CNTNAP3: variants seen among roughly 807,000 people sequenced by gnomAD.
The protein encoded by CNTNAP3 is contactin associated protein family member 3.
Under a neutral mutation model 92.1 loss-of-function variants are expected in CNTNAP3, and 36 were observed. The observed-to-expected ratio is 0.39, with a 90% CI of 0.30 to 0.52. The LOEUF (loss-of-function observed/expected upper bound fraction) is 0.52. CNTNAP3 is among the 20% of genes least tolerant of loss of function. The pLI is 0.76. For synonymous variants in CNTNAP3, 232 were observed against 422.3 expected (o/e 0.55, Z 5.53); for missense variants, 534 against 1,069.6 (o/e 0.50, Z 6.98).
chr9:39,141,534 T>C (rs1048882141), intron 11 of CNTNAP3, among the ~76,000 whole-genome samples: 21 of 152,324 alleles, frequency 1.4e-4, no homozygotes, highest in African/African-American at 4.8e-4. Flanking sequence ...TATCCCTATA[T>C]AATGTAAATT....
intron 14 of CNTNAP3, among the ~76,000 whole-genome samples, chr9:39,115,159 A>G (rs116970707): frequency 0.021 from 3,176 of 151,580 alleles, 75 homozygotes; most frequent in East Asian, 0.11. Context: ...ACTTACGGAA[A>G]AATGGCGATG....
At chr9:39,087,932 C>T (rs1298233032) in intron 19 of CNTNAP3, among the ~76,000 whole-genome samples, 1 of 152,186 alleles carries the variant, frequency 6.6e-6, no homozygotes, top group African/African-American at 2.4e-5. Flanking sequence ...TTACACTTTT[C>T]TTCTATAAAA....
intron 17 of CNTNAP3, 57 bp from the exon 18 acceptor site, chr9:39,100,207 T>C: frequency 7.8e-7 from 1 of 1,290,092 alleles, no homozygotes; most frequent in Non-Finnish European, 1.1e-6. Flanking sequence ...TTCAGGATTT[T>C]ATGTCCATGT....
Position 39,100,061 on chromosome 9 carries a change from T to A in CNTNAP3, c.2845A>T (p.Thr949Ser), listed in dbSNP as rs1489987620. Residue 949 changes from threonine to serine, a missense_variant, in exon 18 of 24, where the codon ACA (threonine) becomes TCA (serine). Coordinates refer to ENST00000297668, the MANE Select transcript of CNTNAP3 (RefSeq NM_033655.5). ...CCTGGCTCCACTCCTGGCGTCACTG[T>A]GGCTCTTTCTTCCAGATCCAGGGCC... ...GVALDLEERATVTPGVEPGCA... is the reference protein window; with the variant it reads ...GVALDLEERASVTPGVEPGCA... 6 of 1,579,812 alleles carry A rather than the reference T, an allele frequency of 3.8e-6. No individual in the cohort carries two copies. The East Asian group carries it at 1.2e-4, about 30-fold the overall frequency.
At chr9:39,147,910 T>C (rs1821742344) in intron 10 of CNTNAP3, among the ~76,000 whole-genome samples, 1 of 152,206 alleles carries the variant, frequency 6.6e-6, no homozygotes, top group Non-Finnish European at 1.5e-5. Context: ...GATCATATTT[T>C]GTGAGTAATT....
chr9:39,143,018 TGAG>T (rs779254391), intron 11 of CNTNAP3, among the ~76,000 whole-genome samples: 7 of 151,934 alleles, frequency 4.6e-5, no homozygotes, highest in Non-Finnish European at 1.0e-4. Context: ...GAAATATTCC[TGAG>T]GAGAAGTTGC....
chr9:39,139,164 G>A (rs1821509993), intron 12 of CNTNAP3, among the ~76,000 whole-genome samples: 1 of 152,138 alleles, frequency 6.6e-6, no homozygotes, highest in African/African-American at 2.4e-5. Context: ...AGAGTTTAGT[G>A]ATTCCCCTAT....
rs1421290464 is a variant in CNTNAP3, at chr9:39,072,274, A to G, written c.*1616T>C. Among the ~76,000 whole-genome samples, 1 of 133,524 alleles carries G rather than the reference A, an allele frequency of 7.5e-6. No homozygotes were observed. Among genetic ancestry groups the G allele is most frequent in the East Asian group, 2.3e-4 (1 of 4,264 alleles). The allele number at this position is 133,524 out of a possible 152,430, so 87.6% of individuals were successfully genotyped here. On this transcript the variant is annotated 3_prime_UTR_variant, in exon 24 of 24. Coordinates refer to ENST00000297668, the MANE Select transcript of CNTNAP3 (RefSeq NM_033655.5). ...TAACAAGATGGAAATTCATTTACGTAACAGTAACGCTGAATCAATATATTT... is the reference window on the plus strand; with the variant it reads ...TAACAAGATGGAAATTCATTTACGTGACAGTAACGCTGAATCAATATATTT...
rs570492885 is a variant in CNTNAP3 at position 39,131,604 on chromosome 9, T to A, written c.2080+1328A>T. 1.7e-3 allele frequency among the ~76,000 whole-genome samples: 256 copies of A among 152,012 alleles called. 1 individual carries two copies. The highest frequency in any genetic ancestry group is 6.0e-3 in the African/African-American group (249 of 41,430). On this transcript the variant is annotated intron_variant, in intron 13 of 23. Transcript: ENST00000297668. ...ACTTTGGGAGGCTGAGGCGGGCGGATCACCTGAGGTCAGGAGTTCAAGAAC... is the reference window on the plus strand; with the variant it reads ...ACTTTGGGAGGCTGAGGCGGGCGGAACACCTGAGGTCAGGAGTTCAAGAAC...
chr9:39,115,154 C>T (rs1693128), intron 14 of CNTNAP3, among the ~76,000 whole-genome samples: 5,358 of 146,436 alleles, frequency 0.037, 116 homozygotes, highest in South Asian at 0.063. Flanking sequence ...GGACAACTTA[C>T]GGAAAAATGG....
intron 1 of CNTNAP3, among the ~76,000 whole-genome samples, chr9:39,284,631 G>GT (rs750738678): frequency 0.084 from 394 of 4,690 alleles, 101 homozygotes; most frequent in Non-Finnish European, 0.32. Context: ...ACATTTTTTG[G>GT]TTTTTTTTTT....
At position 39,146,411 on chromosome 9, in the gene CNTNAP3, C is replaced by T. The variant is rs369246628; in HGVS notation, c.1650-2065G>A. On this transcript the variant is annotated intron_variant, in intron 10 of 23. Transcript: ENST00000297668. ...TTAAGAAGTTAAAACCTATCCTGGC[C>T]GGGTGTGGTGGCTCACGCCTGTAAT... Among the ~76,000 whole-genome samples the T allele has an allele frequency of 2.0e-3, 307 of 152,238 alleles. 1 individual carries two copies. The highest frequency in any genetic ancestry group is 6.9e-3 in the African/African-American group (288 of 41,562).
chr9:39,116,980 A>G (rs1820874352), intron 14 of CNTNAP3, among the ~76,000 whole-genome samples: 1 of 147,808 alleles, frequency 6.8e-6, no homozygotes, highest in Non-Finnish European at 1.5e-5. Context: ...TACATTTTTT[A>G]TTTATTAATT....
chr9:39,101,242 A>C (rs1587707038), intron 17 of CNTNAP3, among the ~76,000 whole-genome samples: 1 of 150,604 alleles, frequency 6.6e-6, no homozygotes, highest in South Asian at 2.1e-4. Context: ...ATGGTATAAC[A>C]CCCCATCCAC....
chr9:39,149,322 T>C (rs1298324297), intron 10 of CNTNAP3, among the ~76,000 whole-genome samples: 2 of 152,096 alleles, frequency 1.3e-5, no homozygotes, highest in Non-Finnish European at 2.9e-5. Context: ...TAAAAAATGC[T>C]ATTTATTCCA....
chr9:39,065,324 A>G lies in CNTNAP3; in HGVS notation c.*8566T>C, dbSNP rs1274140433. Among the ~76,000 whole-genome samples, 2 of 152,300 alleles carry G rather than the reference A, an allele frequency of 1.3e-5. No individual in the cohort carries two copies. Among genetic ancestry groups the G allele is most frequent in the African/African-American group, 4.8e-5 (2 of 41,482 alleles). ...TTACCAGTAGTTTTGTCCATTTTAT[A>G]GCTGAAGAGTATTTCATTATTAATA... On this transcript the variant is annotated 3_prime_UTR_variant, in exon 24 of 24. Coordinates refer to ENST00000297668, the MANE Select transcript of CNTNAP3 (RefSeq NM_033655.5).
intron 13 of CNTNAP3, among the ~76,000 whole-genome samples, chr9:39,132,573 T>G (rs562474351): frequency 6.6e-6 from 1 of 152,244 alleles, no homozygotes; most frequent in African/African-American, 2.4e-5. Flanking sequence ...GTAAGGTGGT[T>G]ACCGGTTCCC....
chr9:39,125,904 C>T (rs1821143541), intron 13 of CNTNAP3, among the ~76,000 whole-genome samples: 1 of 152,122 alleles, frequency 6.6e-6, no homozygotes, highest in Non-Finnish European at 1.5e-5. Context: ...CAACACCCCT[C>T]TATGAGTAAG....
intron 9 of CNTNAP3, among the ~76,000 whole-genome samples, chr9:39,162,842 A>G (rs1050424607): frequency 6.8e-6 from 1 of 146,758 alleles, no homozygotes; most frequent in African/African-American, 2.6e-5. Context: ...GAGGGTGAAG[A>G]TCGAAAAACT....
Sources: allele counts gnomAD v4.1 joint callset (sites outside exome capture counted in the v4.1 genomes callset), GRCh38; gene constraint gnomAD v4.1.1; transcripts MANE v1.5; gene names NCBI Gene and HGNC (gene_info 2026-07-23, HGNC 2026-07-21).